VPS9D1: variants seen among roughly 807,000 people sequenced by gnomAD.
VPS9D1 encodes the protein VPS9 domain-containing protein 1.
In VPS9D1, 78 loss-of-function variants were observed where a neutral mutation model predicts 75.8. The ratio of observed to expected loss-of-function variants is 1.03; its 90% CI spans 0.86 to 1.24. The LOEUF is 1.24. Among genes scored for constraint, VPS9D1 ranks in the 50% most tolerant of loss-of-function variants. The pLI is 0.00. For synonymous variants in VPS9D1, 481 were observed against 385.6 expected (o/e 1.25, Z -2.90); for missense variants, 1,057 against 847.7 (o/e 1.25, Z -3.07).
Position 89,710,732 on chromosome 16 carries a change from G to T in VPS9D1, c.1112C>A (p.Ser371Tyr). The T allele has an allele frequency of 6.3e-7, 1 of 1,590,634 alleles. No individual in the cohort carries two copies. The highest frequency in any genetic ancestry group is 8.6e-7 in the Non-Finnish European group (1 of 1,168,878). The change falls in exon 10 of 15, where the codon TCT becomes TAT. Residue 371 changes from serine (S) to tyrosine (Y), a missense_variant. By Grantham distance (144) the Ser-to-Tyr change is moderately radical (BLOSUM62 -2). Transcript: ENST00000389386. ...CGAGCTGTCCTTGTCTGGCAATCCA[G>T]ATGCGGTGTCCCCCAGGGGTGAGGG... ...GSPSPLGDTA[S>Y]GLPDKDSSFE...
chr16:89,720,755 C>T lies in VPS9D1; in HGVS notation c.99+8G>A, dbSNP rs1309966974. On this transcript the variant is annotated splice_region_variant and intron_variant, in intron 1 of 14. Coordinates refer to ENST00000389386, the MANE Select transcript of VPS9D1 (RefSeq NM_004913.3). ...CAGCGGCCAAGCCCCGCCCCCGCCCCGCCTCACCCGGGGCCGGTTGCCGGT... is the reference window on the plus strand; with the variant it reads ...CAGCGGCCAAGCCCCGCCCCCGCCCTGCCTCACCCGGGGCCGGTTGCCGGT... The T allele has an allele frequency of 2.1e-6, 3 of 1,443,384 alleles. No homozygotes were observed. Among genetic ancestry groups the T allele is most frequent in the African/African-American group, 1.5e-5 (1 of 67,546 alleles). The allele number at this position is 1,443,384 out of a possible 1,614,324, so 89.4% of individuals were successfully genotyped here.
chr16:89,708,559 T>C (rs1470593862), intron 13 of VPS9D1, 28 bp from the exon 14 acceptor site: 1 of 1,601,992 alleles, frequency 6.2e-7, no homozygotes. Flanking sequence ...CGGCCTTGGG[T>C]TGGGGCCAGG....
chr16:89,708,616 TGCTGGCCGC>T (rs2060843172), intron 13 of VPS9D1, 85 bp from the exon 14 acceptor site: 14 of 1,408,002 alleles, frequency 9.9e-6, no homozygotes, highest in Admixed American at 2.0e-5. Flanking sequence ...ATCCTGGCCG[TGCTGGCCGC>T]CATCTCTGTG....
At chr16:89,719,631 C>T (rs2151646361) in intron 1 of VPS9D1, among the ~76,000 whole-genome samples, 1 of 152,316 alleles carries the variant, frequency 6.6e-6, no homozygotes, top group South Asian at 2.1e-4. Context: ...TTACGTATTT[C>T]CAGTGCACAC....
At chr16:89,720,484 T>TC in intron 1 of VPS9D1, 1 of 1,112,668 alleles carries the variant, frequency 9.0e-7, no homozygotes, top group Non-Finnish European at 1.1e-6. Flanking sequence ...TGGCGGACCC[T>TC]CCTGCTACAT....
chr16:89,707,664 C>T lies in VPS9D1; in HGVS notation c.*197G>A, dbSNP rs1174780516. 8.7e-6 allele frequency: 5 copies of T among 573,086 alleles called. No homozygotes were observed. The highest frequency in any genetic ancestry group is 5.8e-5 in the East Asian group (2 of 34,192). 35.5% of individuals were successfully genotyped at this position (573,086 alleles called of 1,614,324 possible). On this transcript the variant is annotated 3_prime_UTR_variant, in exon 15 of 15. Transcript: ENST00000389386. The stretch of plus-strand genomic sequence containing the variant: ...CATTCTGTCGGGGCAGAGGTGCCAA[C>T]CCCAAGCTCCAGGGTCAGATGTGAG...
intron 2 of VPS9D1, 27 bp downstream of exon 2, chr16:89,719,000 C>T (rs1270092392): frequency 3.7e-6 from 6 of 1,605,770 alleles, no homozygotes; most frequent in Admixed American, 1.7e-5. Context: ...AGGCGTGAGC[C>T]ACCGCGCCCG....
chr16:89,712,798 G>C (rs1318398106), intron 4 of VPS9D1, 82 bp from the exon 5 acceptor site: 2 of 1,266,820 alleles, frequency 1.6e-6, no homozygotes, highest in African/African-American at 1.5e-5. Flanking sequence ...TCATCCTCCC[G>C]GATTGCTCTG....
intron 8 of VPS9D1, 178 bp downstream of exon 8, chr16:89,711,704 C>CG: frequency 2.5e-6 from 2 of 809,092 alleles, no homozygotes; most frequent in Non-Finnish European, 3.8e-6. Flanking sequence ...CTCTGCCCCG[C>CG]CCCACGCAGC....
rs151091874 is a variant in VPS9D1, at chr16:89,719,941, A to T, written c.99+822T>A. 9.0e-3 allele frequency among the ~76,000 whole-genome samples: 1,368 copies of T among 152,014 alleles called. 155 individuals carry two copies. In the East Asian group the frequency reaches 0.22, roughly 25 times the overall value. Reference sequence around the variant, plus strand: ...ACCACGTTGGCCAGGCTGGTCTCAAACTCCTCACCTCAGGTGATCCACCGC... The same window carrying T: ...ACCACGTTGGCCAGGCTGGTCTCAATCTCCTCACCTCAGGTGATCCACCGC... On this transcript the variant is annotated intron_variant, in intron 1 of 14. Transcript: ENST00000389386.
rs756169321 is a variant in VPS9D1 at position 89,710,657 on chromosome 16, C to T, written c.1187G>A (p.Gly396Asp). Reference sequence around the variant, plus strand: ...CTGGGGCTCCGGCTGTACCCCACGGCCCCGGCCCTGCCGCTCAGACGTCCC... The same window carrying T: ...CTGGGGCTCCGGCTGTACCCCACGGTCCCGGCCCTGCCGCTCAGACGTCCC... ...FLGTSERQGR[G>D]RGVQPEPQLQ... is the part of the protein sequence containing the mutation. The change falls in exon 10 of 15, where the codon GGC becomes GAC. Residue 396 changes from glycine to aspartate, a missense_variant. Transcript: ENST00000389386. 5 of 1,611,802 alleles carry T rather than the reference C, an allele frequency of 3.1e-6. No homozygotes were observed. The highest frequency in any genetic ancestry group is 4.5e-5 in the East Asian group (2 of 44,852).
chr16:89,709,470 G>A (rs749769793), intron 11 of VPS9D1, 35 bp from the exon 12 acceptor site: 1 of 1,492,204 alleles, frequency 6.7e-7, no homozygotes, highest in Non-Finnish European at 8.8e-7. Flanking sequence ...AGCTGCCCCA[G>A]GGACCTTGCC....
rs764575914 is a variant in VPS9D1, at chr16:89,719,175, C to G, written c.100-73G>C. The G allele has an allele frequency of 2.1e-6, 3 of 1,428,350 alleles. No homozygotes were observed. The South Asian group carries it at 3.4e-5, about 16-fold the overall frequency. The allele number at this position is 1,428,350 out of a possible 1,614,324, so 88.5% of individuals were successfully genotyped here. ...TGACTCCATTATTCCGGCCAGGTGC[C>G]CTTGTGGGATAAGCAAGGAACACCA... On this transcript the variant is annotated intron_variant, in intron 1 of 14. Transcript: ENST00000389386.
intron 4 of VPS9D1, among the ~76,000 whole-genome samples, chr16:89,713,418 C>A (rs2060986802): frequency 6.6e-6 from 1 of 151,608 alleles, no homozygotes; most frequent in Non-Finnish European, 1.5e-5. Context: ...CTATGCCCGG[C>A]TAATTTTTTG....
intron 8 of VPS9D1, 179 bp downstream of exon 8, chr16:89,711,703 G>T: frequency 1.3e-6 from 1 of 773,556 alleles, no homozygotes; most frequent in Non-Finnish European, 2.0e-6. Flanking sequence ...GCTCTGCCCC[G>T]CCCCACGCAG....
chr16:89,712,340 C>A, intron 6 of VPS9D1, 120 bp downstream of exon 6: 1 of 1,462,740 alleles, frequency 6.8e-7, no homozygotes, highest in East Asian at 2.4e-5. Context: ...GCGGGGAGCC[C>A]CTCGGCCCTG....
intron 10 of VPS9D1, 100 bp downstream of exon 10, chr16:89,710,486 T>A (rs1412405133): frequency 1.1e-5 from 14 of 1,281,352 alleles, no homozygotes; most frequent in East Asian, 2.5e-5. Flanking sequence ...CTGATCAGAG[T>A]CTCTGATCAA....
At chr16:89,708,812 T>C in intron 13 of VPS9D1, 45 bp downstream of exon 13, 1 of 1,520,664 alleles carries the variant, frequency 6.6e-7, no homozygotes, top group South Asian at 1.2e-5. Flanking sequence ...ATTGCCTTTC[T>C]AGGGCCCTTC....
rs1046441411 is a variant in VPS9D1, at chr16:89,711,492, C to T, written c.748-80G>A. ...CGCCTCATCTCCCACCAGTGCCGAC[C>T]CCTAGAGACTGTGGGAGCCCGTCCT... is the stretch of plus-strand genomic sequence containing the variant. On this transcript the variant is annotated intron_variant, in intron 8 of 14. Coordinates refer to ENST00000389386, the MANE Select transcript of VPS9D1 (RefSeq NM_004913.3). The T allele has an allele frequency of 1.5e-5, 20 of 1,366,788 alleles. No homozygotes were observed. In the Admixed American group the frequency reaches 4.5e-4, roughly 31 times the overall value. The allele number at this position is 1,366,788 out of a possible 1,614,324, so 84.7% of individuals were successfully genotyped here. A position where few individuals can be genotyped will look rare whatever the true frequency, so the allele number is the denominator to read the frequency against.
Sources: allele counts gnomAD v4.1 joint callset (sites outside exome capture counted in the v4.1 genomes callset), GRCh38; gene constraint gnomAD v4.1.1; transcripts MANE v1.5; gene names NCBI Gene and HGNC (gene_info 2026-07-23, HGNC 2026-07-21).